Variants in DPP6 observed in about 807,000 individuals in gnomAD.
DPP6 encodes the protein A-type potassium channel modulatory protein DPP6.
DPP6 carries 69 observed loss-of-function variants against 122.6 expected under a neutral mutation model. The observed-to-expected ratio is 0.56, with a 90% confidence interval of 0.46 to 0.69. DPP6 has a LOEUF of 0.69. Ranked by LOEUF, DPP6 falls within the 30% of genes least tolerant of loss-of-function variation. The pLI, the probability that DPP6 is intolerant of heterozygous loss-of-function variation, is 0.00. For missense variants in DPP6, 928 were observed against 1,116.9 expected, an observed-to-expected ratio of 0.83 and a Z score of 2.41; for synonymous variants, 418 against 433.1, an observed-to-expected ratio of 0.97 and a Z score of 0.43.
intron 12 of DPP6, among the ~76,000 whole-genome samples, chr7:154,799,713 T>A (rs1187468490): frequency 6.6e-6 from 1 of 152,036 alleles, no homozygotes; most frequent in Admixed American, 6.5e-5. Context: ...ATCTGCTGAG[T>A]GGAGTTGAGG....
At chr7:154,454,866 A>G (rs1173636330) in intron 2 of DPP6, among the ~76,000 whole-genome samples, 1 of 152,172 alleles carries the variant, frequency 6.6e-6, no homozygotes, top group African/African-American at 2.4e-5. Context: ...GGGCCATCTC[A>G]GGGATCTGCT....
chr7:154,210,659 C>T (rs1381325393), intron 1 of DPP6, among the ~76,000 whole-genome samples: 1 of 152,066 alleles, frequency 6.6e-6, no homozygotes, highest in Non-Finnish European at 1.5e-5. Flanking sequence ...GACCGCCAGG[C>T]ACCTGGACGA....
At chr7:153,859,108 C>A in the DPP6 span, among the ~76,000 whole-genome samples, 1 of 152,154 alleles carries the variant, frequency 6.6e-6, no homozygotes, top group Non-Finnish European at 1.5e-5. Flanking sequence ...AGCTGTTCAA[C>A]AGCAATGATG....
intron 1 of DPP6, among the ~76,000 whole-genome samples, chr7:154,134,989 CTT>C: frequency 6.7e-6 from 1 of 149,728 alleles, no homozygotes; most frequent in Non-Finnish European, 1.5e-5. Context: ...TTCCTGTGAG[CTT>C]ACACTTCCTG....
At chr7:153,905,031 G>A (rs947985643) in intron 1 of DPP6, among the ~76,000 whole-genome samples, 2 of 152,206 alleles carry the variant, frequency 1.3e-5, no homozygotes, top group African/African-American at 4.8e-5. Flanking sequence ...ATACAGTGAG[G>A]GGGAAAGCCC....
At chr7:154,290,708 C>A (rs2150964156) in intron 1 of DPP6, among the ~76,000 whole-genome samples, 1 of 152,118 alleles carries the variant, frequency 6.6e-6, no homozygotes, top group East Asian at 1.9e-4. Flanking sequence ...TTCCACTTGG[C>A]AGCCATTTTC....
chr7:154,275,763 G>A (rs1804087269), intron 1 of DPP6, among the ~76,000 whole-genome samples: 1 of 152,152 alleles, frequency 6.6e-6, no homozygotes, highest in Admixed American at 6.5e-5. Context: ...ACAAATAAAA[G>A]TACTGGATCC....
chr7:154,250,521 G>A (rs1802288704), intron 1 of DPP6, among the ~76,000 whole-genome samples: 1 of 152,090 alleles, frequency 6.6e-6, no homozygotes, highest in Non-Finnish European at 1.5e-5. Flanking sequence ...TCAAGTAGGA[G>A]ACAAATGGAT....
chr7:154,815,120 G>A (rs993280344), intron 16 of DPP6, among the ~76,000 whole-genome samples: 3 of 152,040 alleles, frequency 2.0e-5, no homozygotes, highest in African/African-American at 7.3e-5. Context: ...GTTCTTCTCA[G>A]GAACACAAAA....
intron 1 of DPP6, chr7:154,059,422 C>CGGCAGGTACCTTACAT (rs1321561918): frequency 6.6e-6 from 1 of 151,636 alleles, no homozygotes; most frequent in Non-Finnish European, 1.5e-5. Context: ...AATCTTCCGA[C>CGGCAGGTACCTTACAT]GGCAGGTACC....
At chr7:154,845,125 T>C (rs1801843551) in intron 16 of DPP6, among the ~76,000 whole-genome samples, 1 of 152,114 alleles carries the variant, frequency 6.6e-6, no homozygotes, top group Admixed American at 6.6e-5. Flanking sequence ...GCTTGGGAGG[T>C]CATTCATTCA....
At chr7:153,858,058 A>G in the DPP6 span, among the ~76,000 whole-genome samples, 1 of 152,196 alleles carries the variant, frequency 6.6e-6, no homozygotes, top group Non-Finnish European at 1.5e-5. Context: ...AGTCATTAAC[A>G]TATGTCTTCT....
chr7:154,125,377 T>C (rs1807802449), intron 1 of DPP6, among the ~76,000 whole-genome samples: 1 of 152,214 alleles, frequency 6.6e-6, no homozygotes, highest in Admixed American at 6.5e-5. Context: ...CATGTATATA[T>C]TAAATTACGT....
chr7:153,897,678 T>C (rs1162694849), intron 1 of DPP6, among the ~76,000 whole-genome samples: 1 of 152,158 alleles, frequency 6.6e-6, no homozygotes, highest in African/African-American at 2.4e-5. Context: ...TTGATCAGGG[T>C]AACTGTGAAT....
At chr7:153,816,558 C>G in the DPP6 span, among the ~76,000 whole-genome samples, 1 of 152,192 alleles carries the variant, frequency 6.6e-6, no homozygotes, top group African/African-American at 2.4e-5. Context: ...AATCCCCTCT[C>G]TTCCTTTAAA....
chr7:154,885,879 C>G, intron 22 of DPP6, 135 bp downstream of exon 22: 1 of 1,235,538 alleles, frequency 8.1e-7, no homozygotes, highest in Non-Finnish European at 1.1e-6. Flanking sequence ...CAGTCACCAC[C>G]TTGGGCTGAT....
chr7:154,724,308 TTC>T (rs951437564), intron 7 of DPP6, among the ~76,000 whole-genome samples: 1 of 152,072 alleles, frequency 6.6e-6, no homozygotes, highest in African/African-American at 2.4e-5. Context: ...CTGCAGATGG[TTC>T]TCTATCACCC....
At chr7:154,647,664 G>A (rs909768592) in intron 6 of DPP6, among the ~76,000 whole-genome samples, 5 of 152,200 alleles carry the variant, frequency 3.3e-5, no homozygotes, top group Non-Finnish European at 1.5e-5. Flanking sequence ...GCATTGCGGG[G>A]AATCTGTGCT....
At chr7:154,677,914 G>C (rs62475192) in intron 7 of DPP6, among the ~76,000 whole-genome samples, 2 of 152,066 alleles carry the variant, frequency 1.3e-5, no homozygotes, top group Non-Finnish European at 2.9e-5. Context: ...GGTGGGGTGC[G>C]GACTTGGAGA....
Sources: allele counts gnomAD v4.1 joint callset (sites outside exome capture counted in the v4.1 genomes callset), GRCh38; gene constraint gnomAD v4.1.1; transcripts MANE v1.5; gene names NCBI Gene and HGNC (gene_info 2026-07-23, HGNC 2026-07-21).